The following RIGI variants were observed in gnomAD, a reference collection of about 807,000 sequenced individuals.
RIGI encodes the protein antiviral innate immune response receptor RIG-I.
chr9:32,492,487 G>A, the RIGI span: 1 of 1,614,140 alleles, frequency 6.2e-7, no homozygotes, highest in South Asian at 1.1e-5. Context: ...GATCTGAGAA[G>A]GCATTCCACC....
At chr9:32,479,336 T>G in the RIGI span, among the ~76,000 whole-genome samples, 2 of 152,198 alleles carry the variant, frequency 1.3e-5, no homozygotes, top group African/African-American at 4.8e-5. Flanking sequence ...GGTTGTTAAA[T>G]ATTAACCAGC....
the RIGI span, among the ~76,000 whole-genome samples, chr9:32,470,189 T>A: frequency 6.6e-6 from 1 of 152,208 alleles, no homozygotes; most frequent in Admixed American, 6.5e-5. Flanking sequence ...ATCAAACAAA[T>A]GATGAGCATT....
chr9:32,526,172 C>T, the RIGI span: 11 of 1,610,186 alleles, frequency 6.8e-6, no homozygotes, highest in South Asian at 8.8e-5. Context: ...GTCATGCCGG[C>T]CTCTGCTTGC....
Sources: gnomAD v4.1 joint callset for allele counts (sites outside exome capture counted in the v4.1 genomes callset) on GRCh38, gnomAD v4.1.1 for gene constraint, MANE v1.5 for transcripts, NCBI Gene and HGNC (gene_info 2026-07-23, HGNC 2026-07-21) for gene names.